ARHGEF4: variants seen among roughly 807,000 people sequenced by gnomAD.
The protein encoded by ARHGEF4 is Rho guanine nucleotide exchange factor 4.
ARHGEF4 carries 119 observed loss-of-function variants against 162.0 expected under a neutral mutation model. The ratio of observed to expected loss-of-function variants is 0.73; its 90% CI spans 0.63 to 0.86. The LOEUF (loss-of-function observed/expected upper bound fraction) is 0.86, where lower values mean the gene tolerates loss of function less well. Ranked by LOEUF, ARHGEF4 falls within the 40% of genes least tolerant of loss-of-function variation. The pLI is 0.00. For missense variants in ARHGEF4, 2,488 were observed against 2,456.0 expected (o/e 1.01, Z -0.28); for synonymous variants, 1,014 against 979.9 (o/e 1.03, Z -0.65).
chr2:130,885,564 CTTTTTTTT>C (rs961513941), intron 1 of ARHGEF4, among the ~76,000 whole-genome samples: 3 of 100,434 alleles, frequency 3.0e-5, no homozygotes, highest in Non-Finnish European at 5.7e-5. Flanking sequence ...TTTTCTTATT[CTTTTTTTT>C]TTTTTTTTTT....
intron 4 of ARHGEF4, among the ~76,000 whole-genome samples, chr2:130,978,656 T>C (rs1353173472): frequency 6.6e-6 from 1 of 152,150 alleles, no homozygotes; most frequent in East Asian, 1.9e-4. Flanking sequence ...AGTTTACAAA[T>C]TCTGGAGAAA....
intron 1 of ARHGEF4, among the ~76,000 whole-genome samples, chr2:130,863,981 G>A (rs1682073604): frequency 2.3e-5 from 3 of 130,504 alleles, no homozygotes; most frequent in African/African-American, 5.8e-5. Context: ...TCAGGAGATC[G>A]AGACCATCCT....
Position 130,914,917 on chromosome 2 carries a change from C to T in ARHGEF4, c.971C>T (p.Pro324Leu), listed in dbSNP as rs200003114. The T allele has an allele frequency of 3.9e-6, 6 of 1,529,374 alleles. No homozygotes were observed. In the East Asian group the frequency reaches 7.4e-5, roughly 19 times the overall value. The allele number at this position is 1,529,374 out of a possible 1,614,324, so 94.7% of individuals were successfully genotyped here. The change falls in exon 2 of 14, where the codon CCC (proline) becomes CTC (leucine). Residue 324 changes from proline to leucine, a missense_variant. By Grantham distance (98) the Pro-to-Leu change is moderately conservative. Transcript: ENST00000409359. ...ACTGGTGACAAGAACAGGGCATCCC[C>T]CAGACTCAACTGTGGGCACATGAGG... ...ETTGDKNRAS[P>L]RLNCGHMRAL...
At chr2:130,841,131 T>C (rs539415444) in intron 1 of ARHGEF4, among the ~76,000 whole-genome samples, 2 of 152,196 alleles carry the variant, frequency 1.3e-5, no homozygotes, top group South Asian at 4.2e-4. Context: ...GTGGCGCGAT[T>C]TCAGCTCACT....
intron 2 of ARHGEF4, among the ~76,000 whole-genome samples, chr2:130,922,230 G>C (rs929419162): frequency 1.3e-4 from 20 of 151,972 alleles, no homozygotes; most frequent in Non-Finnish European, 2.9e-4. Context: ...AATTAGCCGG[G>C]CATGGTGGCG....
chr2:131,004,895 A>G (rs528130883), intron 4 of ARHGEF4, among the ~76,000 whole-genome samples: 18 of 152,250 alleles, frequency 1.2e-4, no homozygotes, highest in Admixed American at 9.8e-4. Context: ...GAGCAACCCC[A>G]TTCCCTCCTC....
At chr2:130,880,494 C>T (rs1379858099) in intron 1 of ARHGEF4, among the ~76,000 whole-genome samples, 1 of 152,154 alleles carries the variant, frequency 6.6e-6, no homozygotes, top group African/African-American at 2.4e-5. Context: ...GCCCCTCTTT[C>T]CCATTTGTCT....
chr2:131,008,928 T>C (rs1362514251), intron 4 of ARHGEF4, among the ~76,000 whole-genome samples: 2 of 152,242 alleles, frequency 1.3e-5, no homozygotes, highest in African/African-American at 4.8e-5. Context: ...AATTGCTATG[T>C]ATTTTTAAAG....
chr2:131,002,829 T>C (rs1472301042), intron 4 of ARHGEF4, among the ~76,000 whole-genome samples: 6 of 151,978 alleles, frequency 3.9e-5, no homozygotes, highest in Non-Finnish European at 8.8e-5. Context: ...GAATGAACTG[T>C]TGGTCGGCTT....
At chr2:130,923,221 C>G (rs868216422) in intron 2 of ARHGEF4, among the ~76,000 whole-genome samples, 1 of 152,172 alleles carries the variant, frequency 6.6e-6, no homozygotes, top group Non-Finnish European at 1.5e-5. Context: ...TGAGCCATCG[C>G]GCCTGGGCAT....
rs181532837 is a variant in ARHGEF4, at chr2:130,992,848, C to T, written c.3986-35097C>T. 1.4e-3 allele frequency among the ~76,000 whole-genome samples: 208 copies of T among 152,310 alleles called. 1 individual carries two copies. The highest frequency in any genetic ancestry group is 4.9e-3 in the African/African-American group (203 of 41,574). On this transcript the variant is annotated intron_variant, in intron 4 of 13. Transcript: ENST00000409359. ...CCTGTAATCCCAGCACTTTGGGAGG[C>T]TGAGGTGGGTAGATAACATGAGGCC...
intron 4 of ARHGEF4, among the ~76,000 whole-genome samples, chr2:131,024,215 G>GC (rs1236268577): frequency 6.6e-6 from 1 of 152,232 alleles, no homozygotes; most frequent in African/African-American, 2.4e-5. Context: ...ATAGTGGTAT[G>GC]CCCTGTGACT....
chr2:131,009,563 A>G (rs1688325272), intron 4 of ARHGEF4, among the ~76,000 whole-genome samples: 1 of 151,950 alleles, frequency 6.6e-6, no homozygotes, highest in Non-Finnish European at 1.5e-5. Context: ...CTCTTTTTCA[A>G]ATTGGATCAT....
intron 4 of ARHGEF4, among the ~76,000 whole-genome samples, chr2:130,988,872 GTATATATATATATATA>G (rs58656982): frequency 7.4e-5 from 8 of 108,506 alleles, no homozygotes; most frequent in South Asian, 3.4e-4. Context: ...GTGTGTGTGT[GTATATATATATATATA>G]TATATATATA....
At chr2:130,867,936 C>CTTTT (rs1156618796) in intron 1 of ARHGEF4, among the ~76,000 whole-genome samples, 1 of 119,936 alleles carries the variant, frequency 8.3e-6, no homozygotes, top group African/African-American at 3.2e-5. Context: ...TTTTTTTTTT[C>CTTTT]TTTTTTTTTT....
intron 3 of ARHGEF4, among the ~76,000 whole-genome samples, chr2:130,935,147 A>AT (rs1682863590): frequency 6.6e-6 from 1 of 150,602 alleles, no homozygotes; most frequent in South Asian, 2.1e-4. Flanking sequence ...CCCATTTTTA[A>AT]TTTTTTATCT....
At chr2:131,002,464 A>G (rs1219458489) in intron 4 of ARHGEF4, among the ~76,000 whole-genome samples, 4 of 152,068 alleles carry the variant, frequency 2.6e-5, no homozygotes, top group Admixed American at 2.0e-4. Context: ...TAATTCCAGC[A>G]CTTTGGGAGG....
chr2:131,038,804 C>G, intron 5 of ARHGEF4, 49 bp from the exon 6 acceptor site: 1 of 1,552,012 alleles, frequency 6.4e-7, no homozygotes, highest in Non-Finnish European at 8.7e-7. Context: ...AGCAGGGAGG[C>G]CCAGGCAGCC....
Position 130,915,232 on chromosome 2 carries a change from TAAGAC to T in ARHGEF4, c.1288_1292del (p.Arg430GlyfsTer25). Reference sequence around the variant, plus strand: ...GCAGGTCTCCTGGGGGAAAACCAGTTAAGACAGGATTCCAGGTCATGTCTGGTGGC... The same window carrying T: ...GCAGGTCTCCTGGGGGAAAACCAGTTAGGATTCCAGGTCATGTCTGGTGGC... On this transcript the variant is annotated frameshift_variant, in exon 2 of 14. Coordinates refer to ENST00000409359, the MANE Select transcript of ARHGEF4 (RefSeq NM_001367493.1). LOFTEE classifies it high-confidence loss of function. 6.4e-7 allele frequency: 1 copy of T among 1,550,538 alleles called. No homozygotes were observed.
Sources: allele counts gnomAD v4.1 joint callset (sites outside exome capture counted in the v4.1 genomes callset), GRCh38; gene constraint gnomAD v4.1.1; transcripts MANE v1.5; gene names NCBI Gene and HGNC (gene_info 2026-07-23, HGNC 2026-07-21).